NBAS: variants seen among roughly 807,000 people sequenced by gnomAD.
The protein encoded by NBAS is NAG/BC035112 fusion.
A neutral mutation model predicts 302.5 loss-of-function variants in NBAS; 219 were observed. That is an observed-to-expected ratio of 0.72 (90% confidence interval 0.65 to 0.81). The LOEUF (loss-of-function observed/expected upper bound fraction) is 0.81, where lower values mean the gene tolerates loss of function less well. NBAS is among the 30% of genes least tolerant of loss of function. The pLI is 0.00. For missense variants in NBAS, 2,932 were observed against 2,841.6 expected (o/e 1.03, Z -0.72); for synonymous variants, 1,118 against 1,021.6 (o/e 1.09, Z -1.80).
chr2:15,241,747 T>G (rs1667875895), intron 44 of NBAS, among the ~76,000 whole-genome samples: 1 of 152,204 alleles, frequency 6.6e-6, no homozygotes, highest in Non-Finnish European at 1.5e-5. Flanking sequence ...TCCCGTTGGT[T>G]TGTCATCTTC....
At chr2:15,246,414 T>C (rs1445015443) in intron 44 of NBAS, among the ~76,000 whole-genome samples, 1 of 152,238 alleles carries the variant, frequency 6.6e-6, no homozygotes, top group Non-Finnish European at 1.5e-5. Context: ...ACATAATGTC[T>C]AACACACTGT....
the NBAS span, among the ~76,000 whole-genome samples, chr2:14,787,276 A>C: frequency 1.3e-5 from 2 of 152,074 alleles, no homozygotes; most frequent in Non-Finnish European, 1.5e-5. Flanking sequence ...TCTTTATCCA[A>C]TTTGCCAGTC....
At chr2:15,142,551 AAG>A in the NBAS span, among the ~76,000 whole-genome samples, 91 of 152,346 alleles carry the variant, frequency 6.0e-4, no homozygotes, top group African/African-American at 2.1e-3. Flanking sequence ...CCTTGTTTTG[AAG>A]AGACATCTGC....
the NBAS span, among the ~76,000 whole-genome samples, chr2:14,953,288 A>G: frequency 6.6e-6 from 1 of 152,254 alleles, no homozygotes; most frequent in Non-Finnish European, 1.5e-5. Flanking sequence ...GATGAGAGTC[A>G]GGGCCAAGGC....
At chr2:15,237,580 T>G (rs1482256413) in intron 45 of NBAS, among the ~76,000 whole-genome samples, 3 of 134,694 alleles carry the variant, frequency 2.2e-5, no homozygotes, top group African/African-American at 5.2e-5. Context: ...ATTTATTTAT[T>G]TATTTATTTA....
At chr2:15,305,388 C>T (rs1172090149) in intron 40 of NBAS, among the ~76,000 whole-genome samples, 1 of 151,374 alleles carries the variant, frequency 6.6e-6, no homozygotes, top group Non-Finnish European at 1.5e-5. Context: ...CCCAGCCATG[C>T]TCCATGCTGA....
chr2:15,252,698 T>C (rs1668420781), intron 44 of NBAS, among the ~76,000 whole-genome samples: 1 of 152,158 alleles, frequency 6.6e-6, no homozygotes, highest in Admixed American at 6.5e-5. Flanking sequence ...ATGTCCTCTC[T>C]TTATAGGTTT....
chr2:14,955,391 G>C, the NBAS span, among the ~76,000 whole-genome samples: 1 of 152,214 alleles, frequency 6.6e-6, no homozygotes, highest in Non-Finnish European at 1.5e-5. Flanking sequence ...GCTGTCGGTG[G>C]ATTTACCATT....
rs191892318 is a variant in NBAS, at chr2:15,296,847, A to G, written c.4798-4081T>C. On this transcript the variant is annotated intron_variant, in intron 40 of 51. Transcript: ENST00000281513. ...AATGAGATCCTGATCTCAAAAATAA[A>G]TAAATAAATAAACAAACAAATAAAT... Among the ~76,000 whole-genome samples the G allele has an allele frequency of 2.0e-5, 3 of 152,284 alleles. No homozygotes were observed. The East Asian group carries it at 5.8e-4, about 29-fold the overall frequency.
the NBAS span, among the ~76,000 whole-genome samples, chr2:14,785,813 T>A: frequency 1.2e-3 from 178 of 152,318 alleles, no homozygotes; most frequent in African/African-American, 4.2e-3. Flanking sequence ...CCAGCTTTGG[T>A]ATCAGGATGA....
chr2:15,536,283 T>C (rs1663507096), intron 8 of NBAS, 135 bp downstream of exon 8: 19 of 1,004,036 alleles, frequency 1.9e-5, no homozygotes, highest in Non-Finnish European at 2.6e-5. Flanking sequence ...ACCACACCAC[T>C]CTTTCAAATT....
At chr2:15,320,537 A>T (rs1370383056) in intron 38 of NBAS, among the ~76,000 whole-genome samples, 1 of 152,220 alleles carries the variant, frequency 6.6e-6, no homozygotes, top group African/African-American at 2.4e-5. Context: ...GCTGATAAAC[A>T]ACTTCAGCAA....
rs930801669 is a variant in NBAS, at chr2:15,327,891, C to A, written c.4462-21G>T. 6.8e-6 allele frequency: 11 copies of A among 1,613,178 alleles called. No individual in the cohort carries two copies. The African/African-American group carries it at 1.5e-4, about 22-fold the overall frequency. On this transcript the variant is annotated intron_variant, in intron 37 of 51. Coordinates refer to ENST00000281513, the MANE Select transcript of NBAS (RefSeq NM_015909.4). ...TCAGACTACACAAAAGAAGCAGTTTCACTATCTAGTAGGGTGCCTTTTGTC... is the reference window on the plus strand; with the variant it reads ...TCAGACTACACAAAAGAAGCAGTTTAACTATCTAGTAGGGTGCCTTTTGTC...
At chr2:14,946,984 TATAAC>T in the NBAS span, among the ~76,000 whole-genome samples, 25,525 of 151,968 alleles carry the variant, frequency 0.17, 2,665 homozygotes, top group Non-Finnish European at 0.24. Flanking sequence ...AAAATGAAAA[TATAAC>T]ATACCAAATC....
chr2:15,301,364 G>A (rs1176503623), intron 40 of NBAS, among the ~76,000 whole-genome samples: 1 of 152,180 alleles, frequency 6.6e-6, no homozygotes, highest in Non-Finnish European at 1.5e-5. Context: ...ACAGCAGAAT[G>A]AACGTGAAAG....
the NBAS span, among the ~76,000 whole-genome samples, chr2:15,115,283 GA>G: frequency 1.3e-5 from 2 of 152,114 alleles, no homozygotes; most frequent in Non-Finnish European, 1.5e-5. Flanking sequence ...AATCCCTGGG[GA>G]AAAACAATGC....
chr2:15,321,681 A>C (rs950286812), intron 38 of NBAS, among the ~76,000 whole-genome samples: 1 of 152,166 alleles, frequency 6.6e-6, no homozygotes, highest in Non-Finnish European at 1.5e-5. Flanking sequence ...GCAAATCAAA[A>C]CCACAATGAG....
At chr2:15,010,910 C>A in the NBAS span, among the ~76,000 whole-genome samples, 79 of 152,330 alleles carry the variant, frequency 5.2e-4, no homozygotes, top group African/African-American at 1.8e-3. Context: ...CTGCACTAGG[C>A]TGATACAACC....
In NBAS at chr2:15,541,875, C is replaced by T. The variant is rs1361306411; in HGVS notation, c.380-2519G>A. 3.8e-5 allele frequency among the ~76,000 whole-genome samples: 2 copies of T among 52,960 alleles called. 1 individual carries two copies. The highest frequency in any genetic ancestry group is 1.4e-4 in the African/African-American group (2 of 13,820). The allele number at this position is 52,960 out of a possible 152,430, so 34.7% of individuals were successfully genotyped here. On this transcript the variant is annotated intron_variant, in intron 6 of 51. Transcript: ENST00000281513. ...AGGTGGGGGGGTTCAGCCCCCCGCCCGGCCAGCCGCCCCGTCCGGGAGGGA... is the reference window on the plus strand; with the variant it reads ...AGGTGGGGGGGTTCAGCCCCCCGCCTGGCCAGCCGCCCCGTCCGGGAGGGA...
Sources: allele counts gnomAD v4.1 joint callset (sites outside exome capture counted in the v4.1 genomes callset), GRCh38; gene constraint gnomAD v4.1.1; transcripts MANE v1.5; gene names NCBI Gene and HGNC (gene_info 2026-07-23, HGNC 2026-07-21).